The following GRID2 variants were observed in gnomAD, a reference collection of about 807,000 sequenced individuals.
GRID2 encodes glutamate receptor ionotropic, delta-2.
In GRID2, 33 loss-of-function variants were observed where a neutral mutation model predicts 114.8. That is an observed-to-expected ratio of 0.29 (90% CI 0.22 to 0.38). The LOEUF (loss-of-function observed/expected upper bound fraction) is 0.38. Ranked by LOEUF, GRID2 falls within the 10% of genes least tolerant of loss-of-function variation. GRID2 has a pLI of 1.00. For missense variants in GRID2, 1,184 were observed against 1,257.7 expected, an observed-to-expected ratio of 0.94 and a Z score of 0.89; for synonymous variants, 505 against 449.9, an observed-to-expected ratio of 1.12 and a Z score of -1.55.
At position 93,029,468 on chromosome 4, in the gene GRID2, A is replaced by G. The variant is rs149713872; in HGVS notation, c.245-55527A>G. ...TATTGACATGATATAGCAGTATTAC[A>G]TTGTAACACTACATGTAATTGTGAT... On this transcript the variant is annotated intron_variant, in intron 2 of 15. Transcript: ENST00000282020. 2.4e-3 allele frequency among the ~76,000 whole-genome samples: 371 copies of G among 152,238 alleles called. 1 individual carries two copies. Among genetic ancestry groups the G allele is most frequent in the African/African-American group, 8.3e-3 (345 of 41,562 alleles).
chr4:92,754,407 T>C (rs1225919958), intron 2 of GRID2, among the ~76,000 whole-genome samples: 2 of 152,102 alleles, frequency 1.3e-5, no homozygotes, highest in Admixed American at 6.6e-5. Flanking sequence ...TAATAGGGGC[T>C]TTCCAAGAGA....
At chr4:92,808,788 A>T (rs1032724928) in intron 2 of GRID2, among the ~76,000 whole-genome samples, 5 of 144,996 alleles carry the variant, frequency 3.4e-5, no homozygotes, top group African/African-American at 1.0e-4. Context: ...AAGATCGTGA[A>T]TTTTTTTTTT....
intron 1 of GRID2, among the ~76,000 whole-genome samples, chr4:93,782,134 C>T (rs190428365): frequency 6.6e-6 from 1 of 152,214 alleles, no homozygotes; most frequent in Admixed American, 6.5e-5. Flanking sequence ...ATTGACCAAA[C>T]TGCCCTTCAA....
chr4:92,947,498 G>A (rs995366496), intron 2 of GRID2, among the ~76,000 whole-genome samples: 3 of 151,582 alleles, frequency 2.0e-5, no homozygotes, highest in African/African-American at 7.3e-5. Flanking sequence ...AAATTATAAA[G>A]GGATTTTTAT....
chr4:92,725,233 G>A (rs1413533598), intron 2 of GRID2, among the ~76,000 whole-genome samples: 1 of 152,108 alleles, frequency 6.6e-6, no homozygotes. Flanking sequence ...CTGGGAGGTG[G>A]AGGGAGGTTG....
intron 2 of GRID2, among the ~76,000 whole-genome samples, chr4:92,849,200 A>T (rs372520924): frequency 3.9e-5 from 6 of 152,002 alleles, no homozygotes; most frequent in Admixed American, 2.0e-4. Context: ...AGTTTGTATT[A>T]GGATGAGATA....
intron 2 of GRID2, among the ~76,000 whole-genome samples, chr4:92,704,703 C>CAATCTCTCTCTCTCTT (rs1306505525): frequency 7.2e-6 from 1 of 139,746 alleles, no homozygotes; most frequent in African/African-American, 2.8e-5. Context: ...ATCAATCAAT[C>CAATCTCTCTCTCTCTT]TCTCTCTCTC....
chr4:92,682,762 A>C (rs372428357), intron 2 of GRID2, among the ~76,000 whole-genome samples: 9 of 151,982 alleles, frequency 5.9e-5, no homozygotes, highest in Admixed American at 3.9e-4. Context: ...GATATGTTGC[A>C]TATGGTGGAA....
intron 8 of GRID2, among the ~76,000 whole-genome samples, chr4:93,285,761 T>G (rs1753089652): frequency 6.6e-6 from 1 of 152,022 alleles, no homozygotes. Flanking sequence ...AAATAAGCAT[T>G]TGGAGTGATA....
At chr4:92,776,759 T>C (rs903421911) in intron 2 of GRID2, among the ~76,000 whole-genome samples, 3 of 152,060 alleles carry the variant, frequency 2.0e-5, no homozygotes, top group African/African-American at 4.8e-5. Context: ...TTAAAGAAGA[T>C]AGTTAATATA....
chr4:93,505,751 TTAAAA>T (rs1358711142), intron 12 of GRID2, among the ~76,000 whole-genome samples: 1 of 151,590 alleles, frequency 6.6e-6, no homozygotes, highest in African/African-American at 2.4e-5. Context: ...TAATAGCCAT[TTAAAA>T]TAGAGAAAAG....
chr4:93,399,652 T>A (rs999190154), intron 9 of GRID2, among the ~76,000 whole-genome samples: 1 of 152,108 alleles, frequency 6.6e-6, no homozygotes, highest in Non-Finnish European at 1.5e-5. Context: ...TCACTCATAG[T>A]AGTAGTGAGC....
chr4:92,378,297 TTA>T (rs1197797229), intron 1 of GRID2, among the ~76,000 whole-genome samples: 2 of 152,068 alleles, frequency 1.3e-5, no homozygotes, highest in African/African-American at 4.8e-5. Context: ...TCTCAGAGAT[TTA>T]TTTTAAAATT....
chr4:93,689,128 T>C (rs1726327163), intron 14 of GRID2, among the ~76,000 whole-genome samples: 1 of 151,948 alleles, frequency 6.6e-6, no homozygotes, highest in Non-Finnish European at 1.5e-5. Flanking sequence ...GAGGTGACCA[T>C]CTACCAAGGA....
chr4:92,693,320 G>A (rs192313957), intron 2 of GRID2, among the ~76,000 whole-genome samples: 7 of 152,100 alleles, frequency 4.6e-5, no homozygotes, highest in East Asian at 1.9e-4. Context: ...CTGTTACCCC[G>A]AATCTTAGAA....
At chr4:92,926,207 A>G (rs999460347) in intron 2 of GRID2, among the ~76,000 whole-genome samples, 2 of 152,030 alleles carry the variant, frequency 1.3e-5, no homozygotes, top group African/African-American at 4.8e-5. Flanking sequence ...TGGTCCCACT[A>G]AACAAAATAA....
At chr4:93,395,543 C>A in intron 8 of GRID2, 64 bp from the exon 9 acceptor site, 1 of 759,418 alleles carries the variant, frequency 1.3e-6, no homozygotes, top group Non-Finnish European at 2.4e-6. Flanking sequence ...TCCATAAAGA[C>A]TATACAGAGG....
At chr4:92,765,626 T>A (rs1738222329) in intron 2 of GRID2, among the ~76,000 whole-genome samples, 1 of 152,152 alleles carries the variant, frequency 6.6e-6, no homozygotes, top group Non-Finnish European at 1.5e-5. Flanking sequence ...TGACCTGTGA[T>A]ACAGCCAAAT....
chr4:93,186,763 C>T (rs1434047018), intron 4 of GRID2, among the ~76,000 whole-genome samples: 1 of 152,088 alleles, frequency 6.6e-6, no homozygotes, highest in Non-Finnish European at 1.5e-5. Context: ...GTTACCCTTA[C>T]CCCCCTTCTA....
Sources: allele counts gnomAD v4.1 joint callset (sites outside exome capture counted in the v4.1 genomes callset), GRCh38; gene constraint gnomAD v4.1.1; transcripts MANE v1.5; gene names NCBI Gene and HGNC (gene_info 2026-07-23, HGNC 2026-07-21).